ERGIC2: variants seen among roughly 807,000 people sequenced by gnomAD.
The protein encoded by ERGIC2 is ERGIC and golgi 2, also known as endoplasmic reticulum-Golgi intermediate compartment protein 2.
ERGIC2 carries 31 observed loss-of-function variants against 52.5 expected under a neutral mutation model. That is an observed-to-expected ratio of 0.59 (90% CI 0.44 to 0.80). The LOEUF (loss-of-function observed/expected upper bound fraction) is 0.80. Among genes scored for constraint, ERGIC2 ranks in the 30% least tolerant of loss-of-function variants. The probability of loss-of-function intolerance (pLI) is 0.00; values close to 1 mark genes in which losing one functional copy is unlikely to be tolerated. For synonymous variants in ERGIC2, 129 were observed against 140.6 expected (o/e 0.92, Z 0.58); for missense variants, 395 against 455.2 (o/e 0.87, Z 1.20).
In ERGIC2 at chr12:29,343,254, C is replaced by A; in HGVS notation, c.854G>T (p.Ser285Ile). 1.2e-6 allele frequency: 2 copies of A among 1,602,670 alleles called. No individual in the cohort carries two copies. Among genetic ancestry groups the A allele is most frequent in the East Asian group, 2.2e-5 (1 of 44,652 alleles). The change falls in exon 12 of 14, where the codon AGC becomes ATC. Residue 285 changes from serine (S) to isoleucine (I), a missense_variant. By Grantham distance (142) the Ser-to-Ile change is moderately radical (BLOSUM62 -2). Coordinates refer to ENST00000360150, the MANE Select transcript of ERGIC2 (RefSeq NM_016570.3). ...RERIINHAAGSHGVSGIFMKY... is the reference protein window; with the variant it reads ...RERIINHAAGIHGVSGIFMKY... Reference sequence around the variant, plus strand: ...CATAAATATCCCAGAGACTCCATGGCTGCCTGCAGCATGGTTAATGATACG... The same window carrying A: ...CATAAATATCCCAGAGACTCCATGGATGCCTGCAGCATGGTTAATGATACG...
intron 9 of ERGIC2, 128 bp from the exon 10 acceptor site, chr12:29,349,305 C>A: frequency 2.3e-6 from 1 of 431,494 alleles, no homozygotes; most frequent in Non-Finnish European, 4.2e-6. Context: ...GATAATAATA[C>A]AGTATTTTAA....
intron 1 of ERGIC2, among the ~76,000 whole-genome samples, chr12:29,379,029 G>A (rs1052595983): frequency 5.9e-5 from 9 of 152,254 alleles, no homozygotes; most frequent in African/African-American, 2.2e-4. Context: ...TGTGAGGTTA[G>A]TTGACAATCT....
At chr12:29,368,053 T>A (rs1280031690) in intron 4 of ERGIC2, among the ~76,000 whole-genome samples, 188 bp downstream of exon 4, 1 of 151,810 alleles carries the variant, frequency 6.6e-6, no homozygotes, top group Non-Finnish European at 1.5e-5. Flanking sequence ...TCTCTTCTCT[T>A]TATGGAAAAG....
chr12:29,357,845 A>G, intron 6 of ERGIC2, 121 bp from the exon 7 acceptor site: 1 of 684,558 alleles, frequency 1.5e-6, no homozygotes, highest in Non-Finnish European at 2.6e-6. Flanking sequence ...ACAGGATTTC[A>G]TATTCTAAAA....
intron 1 of ERGIC2, among the ~76,000 whole-genome samples, chr12:29,373,952 T>C (rs1384392364): frequency 6.6e-6 from 1 of 152,238 alleles, no homozygotes; most frequent in Non-Finnish European, 1.5e-5. Context: ...TAGTAGTAAC[T>C]GCACAAAAAC....
At chr12:29,343,410 T>G in intron 11 of ERGIC2, 128 bp from the exon 12 acceptor site, 1 of 580,012 alleles carries the variant, frequency 1.7e-6, no homozygotes, top group Non-Finnish European at 2.8e-6. Context: ...ACATCCACAT[T>G]TCCTTATGAA....
Position 29,339,382 on chromosome 12 carries a change from G to A in ERGIC2, c.*1774C>T, listed in dbSNP as rs917111620. ...CCATTTAGAAAAAGCCTTGAAACTC[G>A]ATTGAATTTTCTTCCAAGCATACTT... On this transcript the variant is annotated 3_prime_UTR_variant, in exon 14 of 14. Transcript: ENST00000360150. The A allele has an allele frequency of 4.6e-5, 7 of 151,982 alleles. No homozygotes were observed. Among genetic ancestry groups the A allele is most frequent in the African/African-American group, 1.5e-4 (6 of 41,378 alleles). 9.4% of individuals were successfully genotyped at this position (151,982 alleles called of 1,614,324 possible). A position where few individuals can be genotyped will look rare whatever the true frequency, so the allele number is the denominator to read the frequency against.
rs1211586497 is a variant in ERGIC2 at position 29,337,401 on chromosome 12, A to G, written c.*3755T>C. 1 of 128,542 alleles carries G rather than the reference A, an allele frequency of 7.8e-6. No homozygotes were observed. Among genetic ancestry groups the G allele is most frequent in the Non-Finnish European group, 1.6e-5 (1 of 64,070 alleles). The allele number at this position is 128,542 out of a possible 1,614,324, so 8.0% of individuals were successfully genotyped here. On this transcript the variant is annotated 3_prime_UTR_variant, in exon 14 of 14. Coordinates refer to ENST00000360150, the MANE Select transcript of ERGIC2 (RefSeq NM_016570.3). The stretch of plus-strand genomic sequence containing the variant: ...TCCAAATGTTTATGCTTGCAATACT[A>G]AATATTTTGTTTTTTCTCTCAAGAC...
chr12:29,343,149 CCA>C lies in ERGIC2; in HGVS notation c.957_958del (p.Cys319TrpfsTer22). ...TGTTGAAAAGATTCCTCCAACAATA[CCA>C]CAGAGTCTTACAAAAAACTGCCAGA... On this transcript the variant is annotated frameshift_variant, in exon 12 of 14. Transcript: ENST00000360150. LOFTEE classifies it high-confidence loss of function. 3.1e-6 allele frequency: 5 copies of C among 1,609,848 alleles called. No individual in the cohort carries two copies. Among genetic ancestry groups the C allele is most frequent in the East Asian group, 2.2e-5 (1 of 44,796 alleles).
At position 29,339,629 on chromosome 12, in the gene ERGIC2, T is replaced by C. The variant is rs1194027633; in HGVS notation, c.*1527A>G. The stretch of plus-strand genomic sequence containing the variant: ...GTTAACGTCATGGCTCTTAATGATA[T>C]ATTTTTTAAAGTGATGCTTCTGTTA... On this transcript the variant is annotated 3_prime_UTR_variant, in exon 14 of 14. Transcript: ENST00000360150. 6.6e-6 allele frequency: 1 copy of C among 152,204 alleles called. No homozygotes were observed. Among genetic ancestry groups the C allele is most frequent in the Admixed American group, 6.5e-5 (1 of 15,276 alleles). The allele number at this position is 152,204 out of a possible 1,614,324, so 9.4% of individuals were successfully genotyped here. A position where few individuals can be genotyped will look rare whatever the true frequency, so the allele number is the denominator to read the frequency against.
intron 1 of ERGIC2, among the ~76,000 whole-genome samples, chr12:29,375,366 T>C (rs1285553025): frequency 3.3e-5 from 5 of 152,168 alleles, no homozygotes. Flanking sequence ...ATTCAATATT[T>C]ATTGAGAAAA....
At chr12:29,341,367 C>T (rs911469203) in intron 13 of ERGIC2, 149 bp from the exon 14 acceptor site, 73 of 677,880 alleles carry the variant, frequency 1.1e-4, no homozygotes, top group Non-Finnish European at 1.5e-4. Context: ...TTCTCTATCT[C>T]TCTATCTCTA....
chr12:29,338,248 T>C lies in ERGIC2; in HGVS notation c.*2908A>G, dbSNP rs1422913722. ...AAAATTAAGATTGTATTAAAGACTG[T>C]AAATCTTGTTTGCATTAGTAAATTT... On this transcript the variant is annotated 3_prime_UTR_variant, in exon 14 of 14. Coordinates refer to ENST00000360150, the MANE Select transcript of ERGIC2 (RefSeq NM_016570.3). The C allele has an allele frequency of 6.6e-6, 1 of 151,872 alleles. No individual in the cohort carries two copies. The highest frequency in any genetic ancestry group is 1.5e-5 in the Non-Finnish European group (1 of 67,984). 9.4% of individuals were successfully genotyped at this position (151,872 alleles called of 1,614,324 possible).
At chr12:29,365,224 C>T (rs1940343226) in intron 5 of ERGIC2, among the ~76,000 whole-genome samples, 1 of 151,924 alleles carries the variant, frequency 6.6e-6, no homozygotes, top group Non-Finnish European at 1.5e-5. Flanking sequence ...ATCAGTGGTA[C>T]ATGGGATAAA....
At chr12:29,343,018 C>T (rs1013026251) in intron 12 of ERGIC2, 102 bp downstream of exon 12, 2 of 978,264 alleles carry the variant, frequency 2.0e-6, no homozygotes, top group Non-Finnish European at 1.4e-6. Context: ...TATTTAAACA[C>T]CGAAACATGA....
intron 1 of ERGIC2, chr12:29,380,746 A>G: frequency 6.6e-6 from 1 of 152,422 alleles, no homozygotes; most frequent in Non-Finnish European, 1.5e-5. Context: ...GAGGACTGGG[A>G]CTCGACCGAT....
chr12:29,378,028 A>G (rs946763133), intron 1 of ERGIC2, among the ~76,000 whole-genome samples: 16 of 152,234 alleles, frequency 1.1e-4, no homozygotes, highest in African/African-American at 3.4e-4. Flanking sequence ...GTTGAACAAG[A>G]TATGTTGAAG....
intron 1 of ERGIC2, chr12:29,380,905 A>G (rs963686091): frequency 6.6e-6 from 1 of 152,234 alleles, no homozygotes; most frequent in African/African-American, 2.4e-5. Context: ...TGGCAAAGGG[A>G]AGCTCCCAGT....
At position 29,343,295 on chromosome 12, in the gene ERGIC2, C is replaced by A; in HGVS notation, c.826-13G>T. On this transcript the variant is annotated splice_polypyrimidine_tract_variant and intron_variant, in intron 11 of 13. Coordinates refer to ENST00000360150, the MANE Select transcript of ERGIC2 (RefSeq NM_016570.3). ...TAATGATACGTTCCTAAAAGGGAGG[C>A]AAAAGGAAGGGGAGAAATAGGAGGA... 1 of 1,560,502 alleles carries A rather than the reference C, an allele frequency of 6.4e-7. No homozygotes were observed. The highest frequency in any genetic ancestry group is 1.2e-5 in the South Asian group (1 of 83,996).
Sources: allele counts gnomAD v4.1 joint callset (sites outside exome capture counted in the v4.1 genomes callset), GRCh38; gene constraint gnomAD v4.1.1; transcripts MANE v1.5; gene names NCBI Gene and HGNC (gene_info 2026-07-23, HGNC 2026-07-21).